Variants in IGHMBP2 observed in about 807,000 individuals in gnomAD.
IGHMBP2 encodes the protein DNA-binding protein SMUBP-2.
IGHMBP2 carries 81 observed loss-of-function variants against 96.0 expected under a neutral mutation model. That is an observed-to-expected ratio of 0.84 (90% CI 0.71 to 1.01). IGHMBP2 has a LOEUF of 1.01. Ranked by LOEUF, IGHMBP2 falls within the 50% of genes least tolerant of loss-of-function variation. The probability of loss-of-function intolerance (pLI) is 0.00; values close to 1 mark genes in which losing one functional copy is unlikely to be tolerated. For missense variants in IGHMBP2, 1,227 were observed against 1,306.3 expected (o/e 0.94, Z 0.94); for synonymous variants, 557 against 548.9 (o/e 1.01, Z -0.21).
At chr11:68,934,103 G>T in intron 10 of IGHMBP2, 190 bp downstream of exon 10, 1 of 641,752 alleles carries the variant, frequency 1.6e-6, no homozygotes, top group Non-Finnish European at 2.8e-6. Flanking sequence ...GACCGCTCCT[G>T]GGTGAGATGG....
At chr11:68,914,041 G>A (rs1056857369) in intron 5 of IGHMBP2, among the ~76,000 whole-genome samples, 3 of 152,040 alleles carry the variant, frequency 2.0e-5, no homozygotes, top group Non-Finnish European at 4.4e-5. Context: ...ATGTAGCAAT[G>A]TGTAAAAAAC....
chr11:68,922,747 T>C (rs1353279881), intron 7 of IGHMBP2, among the ~76,000 whole-genome samples: 3 of 152,200 alleles, frequency 2.0e-5, no homozygotes, highest in East Asian at 3.8e-4. Flanking sequence ...CCCTCTTAAA[T>C]GTTTAAGTGT....
intron 3 of IGHMBP2, 50 bp from the exon 4 acceptor site, chr11:68,908,484 C>T (rs371738856): frequency 8.0e-6 from 12 of 1,508,660 alleles, no homozygotes; most frequent in Non-Finnish European, 1.1e-5. Flanking sequence ...GGGGCAGAGG[C>T]TCGGGCACTG....
chr11:68,905,961 G>A lies in IGHMBP2; in HGVS notation c.87-108G>A, dbSNP rs76809963. The A allele has an allele frequency of 1.8e-5, 20 of 1,107,428 alleles. No individual in the cohort carries two copies. In the Admixed American group the frequency reaches 2.9e-4, roughly 16 times the overall value. 68.6% of individuals were successfully genotyped at this position (1,107,428 alleles called of 1,614,324 possible). ...GGAGTTCCATTGGGACATATTTAGT[G>A]CCTGTGAGTAGATCTTTATCTATGT... On this transcript the variant is annotated intron_variant, in intron 1 of 14. Coordinates refer to ENST00000255078, the MANE Select transcript of IGHMBP2 (RefSeq NM_002180.3).
At position 68,929,289 on chromosome 11, in the gene IGHMBP2, G is replaced by T; in HGVS notation, c.1167G>T (p.Leu389=). 1 of 1,613,818 alleles carries T rather than the reference G, an allele frequency of 6.2e-7. No individual in the cohort carries two copies. Among genetic ancestry groups the T allele is most frequent in the Non-Finnish European group, 8.5e-7 (1 of 1,180,022 alleles). ...QALEASCWIP[L]LKARKCILAG... is the part of the protein sequence containing the mutation. ...TCGAGGCGAGCTGCTGGATCCCCCT[G>T]CTGAAGGCCAGAAAGTGCATCCTGG... is the stretch of plus-strand genomic sequence containing the variant. The change falls in exon 8 of 15, where the codon CTG becomes CTT. Residue 389 remains leucine (L), a synonymous_variant. Coordinates refer to ENST00000255078, the MANE Select transcript of IGHMBP2 (RefSeq NM_002180.3).
At chr11:68,906,344 G>T (rs112581114) in intron 2 of IGHMBP2, 106 bp downstream of exon 2, 2 of 1,231,994 alleles carry the variant, frequency 1.6e-6, no homozygotes, top group Non-Finnish European at 2.4e-6. Context: ...AGAATAAAGC[G>T]TTGCAATGAA....
intron 1 of IGHMBP2, among the ~76,000 whole-genome samples, chr11:68,904,808 T>TTTTTCTTTTC: frequency 1.4e-4 from 2 of 14,774 alleles, no homozygotes. Flanking sequence ...TTTTTCTTTT[T>TTTTTCTTTTC]TTTTTTTTTA....
chr11:68,934,378 C>A (rs1859439331), intron 10 of IGHMBP2, 86 bp from the exon 11 acceptor site: 2 of 935,748 alleles, frequency 2.1e-6, no homozygotes, highest in South Asian at 1.4e-5. Context: ...CCATGATAGA[C>A]AGAAACGTGC....
chr11:68,931,724 C>T (rs984579187), intron 8 of IGHMBP2, among the ~76,000 whole-genome samples: 3 of 152,126 alleles, frequency 2.0e-5, no homozygotes, highest in African/African-American at 4.8e-5. Flanking sequence ...GGAGGACAGG[C>T]GTGGGAGGAC....
In IGHMBP2 at chr11:68,933,159, G is replaced by T; in HGVS notation, c.1236-140G>T. ...TTGGGGCTGTGATTCAGCCAAACCC[G>T]CCCCTTGGTTACTTCTGGGTCAGAA... On this transcript the variant is annotated intron_variant, in intron 8 of 14. Coordinates refer to ENST00000255078, the MANE Select transcript of IGHMBP2 (RefSeq NM_002180.3). 3.5e-6 allele frequency: 3 copies of T among 847,596 alleles called. No individual in the cohort carries two copies. In the South Asian group the frequency reaches 4.6e-5, roughly 13 times the overall value. The allele number at this position is 847,596 out of a possible 1,614,324, so 52.5% of individuals were successfully genotyped here. A position where few individuals can be genotyped will look rare whatever the true frequency, so the allele number is the denominator to read the frequency against.
At chr11:68,924,012 A>C (rs1858973128) in intron 7 of IGHMBP2, among the ~76,000 whole-genome samples, 1 of 152,196 alleles carries the variant, frequency 6.6e-6, no homozygotes, top group Admixed American at 6.6e-5. Flanking sequence ...CTCTCAAGGC[A>C]GAAAGCTGGG....
intron 5 of IGHMBP2, 77 bp from the exon 6 acceptor site, chr11:68,914,746 G>A (rs1187635905): frequency 6.8e-7 from 1 of 1,468,812 alleles, no homozygotes; most frequent in Admixed American, 1.7e-5. Flanking sequence ...TACCTTTAAG[G>A]CTTTTTGTTG....
chr11:68,904,815 T>TTTTTTTTTTTTTTTTTTTTTTTTTTC (rs1566422187), intron 1 of IGHMBP2, among the ~76,000 whole-genome samples: 1 of 148,756 alleles, frequency 6.7e-6, no homozygotes, highest in African/African-American at 2.4e-5. Context: ...TTTTTTTTTT[T>TTTTTTTTTTTTTTTTTTTTTTTTTTC]TTAGACAGAG....
chr11:68,935,994 C>T (rs1230300223), intron 12 of IGHMBP2, among the ~76,000 whole-genome samples: 2 of 152,220 alleles, frequency 1.3e-5, no homozygotes, highest in African/African-American at 4.8e-5. Context: ...TGAGGCTGGG[C>T]TTAGAAGGAA....
intron 2 of IGHMBP2, 80 bp from the exon 3 acceptor site, chr11:68,908,065 A>G (rs2154006682): frequency 9.3e-7 from 1 of 1,071,090 alleles, no homozygotes; most frequent in Non-Finnish European, 1.5e-6. Flanking sequence ...AAAATATTTG[A>G]AGTATAGTGG....
rs1035526428 is a variant in IGHMBP2, at chr11:68,937,717, G to A, written c.2612-465G>A. Reference sequence around the variant, plus strand: ...ACTCCTGCTACTGCCATTTTCCTCAGCAAGAGCATGCAGGAGTTCCAGCTT... The same window carrying A: ...ACTCCTGCTACTGCCATTTTCCTCAACAAGAGCATGCAGGAGTTCCAGCTT... On this transcript the variant is annotated intron_variant, in intron 13 of 14. Transcript: ENST00000255078. 59 of 224,860 alleles carry A rather than the reference G, an allele frequency of 2.6e-4. No individual in the cohort carries two copies. The Admixed American group carries it at 2.7e-3, about 10-fold the overall frequency. 13.9% of individuals were successfully genotyped at this position (224,860 alleles called of 1,614,324 possible). A position where few individuals can be genotyped will look rare whatever the true frequency, so the allele number is the denominator to read the frequency against.
rs1433957850 is a variant in IGHMBP2, at chr11:68,933,837, C to T, written c.1461C>T (p.Pro487=). Residue 487 remains proline, a synonymous_variant, in exon 10 of 15, where the codon CCC becomes CCT. Coordinates refer to ENST00000255078, the MANE Select transcript of IGHMBP2 (RefSeq NM_002180.3). ...GVAATEETGV[P]LLLVDTAGCG... is the part of the protein sequence containing the mutation. ...CTGCCACAGAAGAGACGGGTGTGCC[C>T]CTGCTCTTGGTGGACACCGCCGGCT... The T allele has an allele frequency of 3.1e-6, 5 of 1,611,842 alleles. No homozygotes were observed. The highest frequency in any genetic ancestry group is 4.2e-6 in the Non-Finnish European group (5 of 1,179,286).
At chr11:68,931,388 T>C (rs1224891192) in intron 8 of IGHMBP2, among the ~76,000 whole-genome samples, 2 of 151,990 alleles carry the variant, frequency 1.3e-5, no homozygotes, top group African/African-American at 4.8e-5. Flanking sequence ...GCCTGCTTCG[T>C]GGAGCAGGAA....
rs145365851 is a variant in IGHMBP2 at position 68,936,772 on chromosome 11, G to A, written c.2292G>A (p.Glu764=). ...DRLRVHQIAE[E]HGLRHDSSGE... is the part of the protein sequence containing the mutation. ...TGCGGGTCCACCAAATAGCCGAGGA[G>A]CACGGGCTGAGGCACGACAGTTCCG... is the stretch of plus-strand genomic sequence containing the variant. Residue 764 remains glutamate, a synonymous_variant, in exon 13 of 15, where the codon GAG becomes GAA. Coordinates refer to ENST00000255078, the MANE Select transcript of IGHMBP2 (RefSeq NM_002180.3). 11 of 1,614,066 alleles carry A rather than the reference G, an allele frequency of 6.8e-6. No individual in the cohort carries two copies. The African/African-American group carries it at 1.2e-4, about 18-fold the overall frequency.
Sources: allele counts gnomAD v4.1 joint callset (sites outside exome capture counted in the v4.1 genomes callset), GRCh38; gene constraint gnomAD v4.1.1; transcripts MANE v1.5; gene names NCBI Gene and HGNC (gene_info 2026-07-23, HGNC 2026-07-21).